The following CNTNAP2 variants were observed in gnomAD, a reference collection of about 807,000 sequenced individuals.
CNTNAP2 encodes contactin-associated protein-like 2.
A neutral mutation model predicts 155.2 loss-of-function variants in CNTNAP2; 98 were observed. The ratio of observed to expected loss-of-function variants is 0.63; its 90% confidence interval spans 0.54 to 0.75. CNTNAP2 has a LOEUF of 0.75. Among genes scored for constraint, CNTNAP2 ranks in the 30% least tolerant of loss-of-function variants. The pLI is 0.00. For synonymous variants in CNTNAP2, 651 were observed against 631.2 expected, an observed-to-expected ratio of 1.03 and a Z score of -0.47; for missense variants, 1,727 against 1,688.1, an observed-to-expected ratio of 1.02 and a Z score of -0.40.
chr7:146,778,769 G>A (rs1225778229), intron 2 of CNTNAP2, among the ~76,000 whole-genome samples: 2 of 152,194 alleles, frequency 1.3e-5, no homozygotes, highest in African/African-American at 4.8e-5. Flanking sequence ...AGTTAGAGAT[G>A]CCAATCAATT....
chr7:146,163,585 C>CTATATATATATATATA (rs772109958), intron 1 of CNTNAP2, among the ~76,000 whole-genome samples: 7 of 91,224 alleles, frequency 7.7e-5, no homozygotes, highest in African/African-American at 2.8e-4. Flanking sequence ...ATCTATCTAT[C>CTATATATATATATATA]TATATATATA....
intron 1 of CNTNAP2, among the ~76,000 whole-genome samples, chr7:146,253,255 G>A (rs1799784857): frequency 1.3e-5 from 2 of 152,038 alleles, no homozygotes; most frequent in African/African-American, 4.8e-5. Flanking sequence ...TTCTCCACTT[G>A]GAATGGCTTT....
intron 21 of CNTNAP2, among the ~76,000 whole-genome samples, chr7:148,360,424 C>T (rs1033008275): frequency 6.6e-6 from 1 of 152,170 alleles, no homozygotes; most frequent in African/African-American, 2.4e-5. Context: ...CAGCCCTCAC[C>T]AACCTCAGAA....
At position 146,318,862 on chromosome 7, in the gene CNTNAP2, A is replaced by C. The variant is rs1800953258; in HGVS notation, c.97+201889A>C. ...TTATATATAATAATCTTACATAATA[A>C]AGTAATGCAATACATAATATGTATG... On this transcript the variant is annotated intron_variant, in intron 1 of 23. Transcript: ENST00000361727. Among the ~76,000 whole-genome samples, 2 of 152,302 alleles carry C rather than the reference A, an allele frequency of 1.3e-5. 1 individual carries two copies. Among genetic ancestry groups the C allele is most frequent in the African/African-American group, 4.8e-5 (2 of 41,566 alleles).
At chr7:148,315,874 A>C (rs1311444126) in intron 21 of CNTNAP2, among the ~76,000 whole-genome samples, 1 of 151,408 alleles carries the variant, frequency 6.6e-6, no homozygotes, top group Non-Finnish European at 1.5e-5. Flanking sequence ...GTTAAGACAA[A>C]ATGTGTTCTT....
Position 148,041,292 on chromosome 7 carries a change from G to T in CNTNAP2, c.2383+63303G>T, listed in dbSNP as rs540407710. On this transcript the variant is annotated intron_variant, in intron 15 of 23. Coordinates refer to ENST00000361727, the MANE Select transcript of CNTNAP2 (RefSeq NM_014141.6). The stretch of plus-strand genomic sequence containing the variant: ...CAACTGCAATTAACAGGAAATAGCT[G>T]ATGCAGTGTGACAGCAAGTCCCCAA... Among the ~76,000 whole-genome samples the T allele has an allele frequency of 8.8e-4, 134 of 152,334 alleles. 2 individuals are homozygous for T. The highest frequency in any genetic ancestry group is 6.3e-3 in the Admixed American group (97 of 15,298).
At chr7:148,101,366 T>A (rs1585125866) in intron 15 of CNTNAP2, among the ~76,000 whole-genome samples, 1 of 118,538 alleles carries the variant, frequency 8.4e-6, no homozygotes, top group African/African-American at 2.6e-5. Context: ...TGTGTGTGTG[T>A]GTGTGTGTGT....
intron 19 of CNTNAP2, among the ~76,000 whole-genome samples, chr7:148,222,504 A>C (rs886262816): frequency 6.6e-6 from 1 of 151,336 alleles, no homozygotes. Flanking sequence ...CTATGAATGG[A>C]TCATTCCATG....
chr7:147,671,646 A>T (rs1469841866), intron 13 of CNTNAP2: 1 of 152,186 alleles, frequency 6.6e-6, no homozygotes, highest in East Asian at 1.9e-4. Context: ...CACATAGAGC[A>T]TGCGTATTTG....
At chr7:146,308,358 A>G (rs977296346) in intron 1 of CNTNAP2, among the ~76,000 whole-genome samples, 6 of 152,114 alleles carry the variant, frequency 3.9e-5, no homozygotes, top group African/African-American at 1.4e-4. Context: ...GGAGAAATAG[A>G]AATGCTTTTA....
intron 15 of CNTNAP2, among the ~76,000 whole-genome samples, chr7:148,030,015 G>A (rs1417738320): frequency 2.0e-5 from 3 of 152,184 alleles, no homozygotes; most frequent in Non-Finnish European, 4.4e-5. Flanking sequence ...AATCTTCAGA[G>A]GACAGACACT....
chr7:147,880,894 T>TG (rs1563122073), intron 13 of CNTNAP2, among the ~76,000 whole-genome samples: 7 of 97,796 alleles, frequency 7.2e-5, no homozygotes, highest in African/African-American at 2.9e-4. Context: ...TGTGTGTGTG[T>TG]TTCCAAGTAA....
chr7:146,287,398 C>G (rs1211908324), intron 1 of CNTNAP2, among the ~76,000 whole-genome samples: 1 of 152,156 alleles, frequency 6.6e-6, no homozygotes, highest in African/African-American at 2.4e-5. Flanking sequence ...TGCTGAGAGG[C>G]AGATAAGCCT....
chr7:148,207,352 G>A (rs1795468126), intron 18 of CNTNAP2, among the ~76,000 whole-genome samples: 2 of 152,190 alleles, frequency 1.3e-5, no homozygotes, highest in African/African-American at 4.8e-5. Flanking sequence ...GCCACGTGGA[G>A]TACGCGAAGG....
intron 13 of CNTNAP2, among the ~76,000 whole-genome samples, chr7:147,900,040 C>T (rs532081346): frequency 6.6e-6 from 1 of 152,302 alleles, no homozygotes; most frequent in Non-Finnish European, 1.5e-5. Context: ...TCTCTAGTGA[C>T]CTTCCAGCTG....
At chr7:147,217,424 A>T (rs1803299426) in intron 8 of CNTNAP2, among the ~76,000 whole-genome samples, 1 of 151,814 alleles carries the variant, frequency 6.6e-6, no homozygotes, top group African/African-American at 2.4e-5. Context: ...TGATTTTTTA[A>T]ATTTAGTTTG....
At chr7:146,982,324 C>A (rs1325093850) in intron 3 of CNTNAP2, among the ~76,000 whole-genome samples, 5 of 151,972 alleles carry the variant, frequency 3.3e-5, no homozygotes, top group Non-Finnish European at 7.4e-5. Flanking sequence ...TATATAAGAT[C>A]ATGTTATGTA....
chr7:147,592,735 C>T (rs1034328810), intron 12 of CNTNAP2, among the ~76,000 whole-genome samples: 1 of 152,120 alleles, frequency 6.6e-6, no homozygotes, highest in African/African-American at 2.4e-5. Context: ...AAATGCATAA[C>T]AAGGCATAGA....
At chr7:147,615,888 T>A (rs1801282164) in intron 12 of CNTNAP2, among the ~76,000 whole-genome samples, 1 of 152,274 alleles carries the variant, frequency 6.6e-6, no homozygotes, top group African/African-American at 2.4e-5. Context: ...TCTCTTTCTG[T>A]TGAAACTGAT....
Sources: gnomAD v4.1 joint callset for allele counts (sites outside exome capture counted in the v4.1 genomes callset) on GRCh38, gnomAD v4.1.1 for gene constraint, MANE v1.5 for transcripts, NCBI Gene and HGNC (gene_info 2026-07-23, HGNC 2026-07-21) for gene names.